Variants in CDH19 observed in about 807,000 individuals in gnomAD.
CDH19 encodes the protein cadherin 19.
A neutral mutation model predicts 64.2 loss-of-function variants in CDH19; 67 were observed. The observed-to-expected ratio is 1.04, with a 90% CI of 0.86 to 1.28. CDH19 has a LOEUF of 1.28. Ranked by LOEUF, CDH19 falls within the 50% of genes most tolerant of loss-of-function variation. The pLI is 0.00. For synonymous variants in CDH19, 346 were observed against 319.3 expected, an observed-to-expected ratio of 1.08 and a Z score of -0.89; for missense variants, 1,030 against 929.0, an observed-to-expected ratio of 1.11 and a Z score of -1.41.
intron 1 of CDH19, among the ~76,000 whole-genome samples, chr18:66,584,546 T>C (rs1988519709): frequency 6.6e-6 from 1 of 152,066 alleles, no homozygotes; most frequent in Admixed American, 6.6e-5. Flanking sequence ...TCTATCATAA[T>C]GACACATGCA....
chr18:66,602,718 A>G (rs2144652824), intron 1 of CDH19, among the ~76,000 whole-genome samples: 1 of 151,908 alleles, frequency 6.6e-6, no homozygotes, highest in Middle Eastern at 3.4e-3. Context: ...AAACATATGT[A>G]AAGGAAAGGA....
At position 66,505,100 on chromosome 18, in the gene CDH19, C is replaced by G; in HGVS notation, c.2031G>C (p.Glu677Asp). The change falls in exon 12 of 12, where the codon GAG (glutamate) becomes GAC (aspartate). Residue 677 changes from glutamate to aspartate, a missense_variant. Glu to Asp is a conservative substitution (Grantham distance 45). Coordinates refer to ENST00000262150, the MANE Select transcript of CDH19 (RefSeq NM_021153.4). The part of the protein sequence containing the change: ...ERKTRKTTSA[E>D]IRSLYRQSLQ... ...AAGACTGCCTGTATAGGCTCCTGAT[C>G]TCAGCGCTTGTGGTTTTCCGAGTCT... is the stretch of plus-strand genomic sequence containing the variant. 1 of 1,613,650 alleles carries G rather than the reference C, an allele frequency of 6.2e-7. No individual in the cohort carries two copies. The highest frequency in any genetic ancestry group is 2.2e-5 in the East Asian group (1 of 44,852).
Position 66,504,847 on chromosome 18 carries a change from A to C in CDH19, c.2284T>G (p.Cys762Gly), listed in dbSNP as rs1985103309. ...ELGPRFKRLA[C>G]MFGSAVQSNN ...GACTGCACTGCAGAACCAAACATGC[A>C]TGCTAATCTTTTAAAGCGAGGTCCC... Residue 762 changes from cysteine (C) to glycine (G), a missense_variant, in exon 12 of 12, where the codon TGC (cysteine) becomes GGC (glycine). Coordinates refer to ENST00000262150, the MANE Select transcript of CDH19 (RefSeq NM_021153.4). The C allele has an allele frequency of 6.2e-7, 1 of 1,607,936 alleles. No individual in the cohort carries two copies.
At chr18:66,556,488 TTA>T (rs1987525055) in intron 3 of CDH19, among the ~76,000 whole-genome samples, 1 of 151,856 alleles carries the variant, frequency 6.6e-6, no homozygotes, top group African/African-American at 2.4e-5. Flanking sequence ...TGAACTTTTT[TTA>T]GATTCCACAT....
At chr18:66,546,090 A>G (rs1423322581) in intron 5 of CDH19, among the ~76,000 whole-genome samples, 2 of 152,158 alleles carry the variant, frequency 1.3e-5, no homozygotes, top group East Asian at 3.9e-4. Context: ...AACATGCAAT[A>G]TTTTAAAGAA....
chr18:66,507,954 G>C (rs1985283640), intron 11 of CDH19, among the ~76,000 whole-genome samples: 1 of 151,840 alleles, frequency 6.6e-6, no homozygotes. Context: ...GTTCATTACA[G>C]CATTATTCAT....
chr18:66,520,660 A>T (rs2144380460), intron 9 of CDH19, among the ~76,000 whole-genome samples: 1 of 152,220 alleles, frequency 6.6e-6, no homozygotes, highest in South Asian at 2.1e-4. Context: ...GATTTGCATT[A>T]TAAAAAAAGT....
Position 66,513,890 on chromosome 18 carries a change from C to A in CDH19, c.1459-2205G>T, listed in dbSNP as rs75860806. ...TTTTGCTCTCTACGTAGAATGTTGG[C>A]CAATTTATTTCTGATGCAGTACATT... is the stretch of plus-strand genomic sequence containing the variant. On this transcript the variant is annotated intron_variant, in intron 9 of 11. Transcript: ENST00000262150. Among the ~76,000 whole-genome samples, 999 of 151,430 alleles carry A rather than the reference C, an allele frequency of 6.6e-3. 7 individuals carry two copies. Among genetic ancestry groups the A allele is most frequent in the Non-Finnish European group, 0.011 (732 of 67,488 alleles).
chr18:66,532,846 A>T (rs974627767), intron 8 of CDH19: 4 of 385,566 alleles, frequency 1.0e-5, no homozygotes, highest in African/African-American at 8.4e-5. Flanking sequence ...ACAGGCGGTC[A>T]CTCCAACTAC....
rs1278909328 is a variant in CDH19 at position 66,552,614 on chromosome 18, C to A, written c.611-1356G>T. Among the ~76,000 whole-genome samples, 4 of 134,664 alleles carry A rather than the reference C, an allele frequency of 3.0e-5. 1 individual carries two copies. Among genetic ancestry groups the A allele is most frequent in the South Asian group, 2.4e-4 (1 of 4,204 alleles). The allele number at this position is 134,664 out of a possible 152,430, so 88.3% of individuals were successfully genotyped here. The stretch of plus-strand genomic sequence containing the variant: ...TTAACTGTGCCTACTTTGCTTTCAA[C>A]TTTTCCTCTCAGCCTTTTGACTGAA... On this transcript the variant is annotated intron_variant, in intron 4 of 11. Transcript: ENST00000262150.
chr18:66,571,889 G>A (rs1285866780), intron 2 of CDH19, 121 bp downstream of exon 2: 3 of 651,608 alleles, frequency 4.6e-6, no homozygotes, highest in East Asian at 2.8e-5. Flanking sequence ...TGATGCTGCT[G>A]TTTGAAGCTT....
In CDH19 at chr18:66,568,751, G is replaced by C. The variant is rs200680657; in HGVS notation, c.196-41C>G. The stretch of plus-strand genomic sequence containing the variant: ...GGGATCATTTAGTTTCCAAACATCT[G>C]AAATGGACAAATCAAAATCAAGATT... On this transcript the variant is annotated intron_variant, in intron 2 of 11. Coordinates refer to ENST00000262150, the MANE Select transcript of CDH19 (RefSeq NM_021153.4). 1.6e-5 allele frequency: 23 copies of C among 1,452,828 alleles called. No individual in the cohort carries two copies. In the East Asian group the frequency reaches 4.2e-4, roughly 26 times the overall value. The allele number at this position is 1,452,828 out of a possible 1,614,324, so 90.0% of individuals were successfully genotyped here. A position where few individuals can be genotyped will look rare whatever the true frequency, so the allele number is the denominator to read the frequency against.
chr18:66,536,591 G>C (rs979716773), intron 7 of CDH19, among the ~76,000 whole-genome samples: 17 of 151,650 alleles, frequency 1.1e-4, no homozygotes, highest in African/African-American at 4.1e-4. Flanking sequence ...TAGAATTTAG[G>C]AAGAAGAGCC....
chr18:66,508,888 T>A, intron 11 of CDH19, 107 bp downstream of exon 11: 1 of 1,163,878 alleles, frequency 8.6e-7, no homozygotes, highest in Non-Finnish European at 1.2e-6. Flanking sequence ...GAATTAACTA[T>A]GTATTTATCA....
In CDH19 at chr18:66,572,063, T is replaced by TTTTTTTTGTA; in HGVS notation, c.141_142insTACAAAAAAA (p.Asn48TyrfsTer16). 1 of 1,611,454 alleles carries TTTTTTTTGTA rather than the reference T, an allele frequency of 6.2e-7. No individual in the cohort carries two copies. On this transcript the variant is annotated frameshift_variant, in exon 2 of 12. Coordinates refer to ENST00000262150, the MANE Select transcript of CDH19 (RefSeq NM_021153.4). LOFTEE classifies it high-confidence loss of function. ...ATTTCCTCTGGTACAAAAAATTGGTTCCACACCCAGCCACGCTTCACTCTC... is the reference window on the plus strand; with the variant it reads ...ATTTCCTCTGGTACAAAAAATTGGTTTTTTTTTGTACCACACCCAGCCACGCTTCACTCTC...
chr18:66,563,134 A>C (rs1456453429), intron 3 of CDH19, among the ~76,000 whole-genome samples: 2 of 152,102 alleles, frequency 1.3e-5, no homozygotes, highest in Non-Finnish European at 2.9e-5. Context: ...TATGCAGACT[A>C]ATTTAGATAT....
At chr18:66,531,794 T>C (rs1986453723) in intron 8 of CDH19, among the ~76,000 whole-genome samples, 1 of 152,118 alleles carries the variant, frequency 6.6e-6, no homozygotes, top group African/African-American at 2.4e-5. Flanking sequence ...ATTAAACATA[T>C]ACATAAAGCA....
intron 7 of CDH19, among the ~76,000 whole-genome samples, chr18:66,539,669 T>G (rs1986811833): frequency 6.6e-6 from 1 of 152,108 alleles, no homozygotes; most frequent in Non-Finnish European, 1.5e-5. Context: ...CAAATTACTA[T>G]TATTGTAAAG....
chr18:66,548,253 A>G (rs1184798940), intron 5 of CDH19, among the ~76,000 whole-genome samples: 1 of 87,912 alleles, frequency 1.1e-5, no homozygotes, highest in African/African-American at 5.5e-5. Context: ...CTTTATATAT[A>G]TATATATATT....
Sources: allele counts gnomAD v4.1 joint callset (sites outside exome capture counted in the v4.1 genomes callset), GRCh38; gene constraint gnomAD v4.1.1; transcripts MANE v1.5; gene names NCBI Gene and HGNC (gene_info 2026-07-23, HGNC 2026-07-21).